The following PIGR variants were observed in gnomAD, a reference collection of about 807,000 sequenced individuals.
PIGR encodes polymeric immunoglobulin receptor.
A neutral mutation model predicts 69.5 loss-of-function variants in PIGR; 22 were observed. The observed-to-expected ratio is 0.32, with a 90% confidence interval of 0.23 to 0.45. The LOEUF is 0.45. PIGR is among the 20% of genes least tolerant of loss of function. The probability of loss-of-function intolerance (pLI) is 1.00; values close to 1 mark genes in which losing one functional copy is unlikely to be tolerated. For synonymous variants in PIGR, 413 were observed against 407.6 expected, an observed-to-expected ratio of 1.01 and a Z score of -0.16; for missense variants, 885 against 974.0, an observed-to-expected ratio of 0.91 and a Z score of 1.22.
Position 206,935,785 on chromosome 1 carries a change from T to G in PIGR, c.1079A>C (p.Lys360Thr), listed in dbSNP as rs749405589. 2 of 1,610,212 alleles carry G rather than the reference T, an allele frequency of 1.2e-6. No homozygotes were observed. The highest frequency in any genetic ancestry group is 1.7e-6 in the Non-Finnish European group (2 of 1,177,136). ...GGCCACAGAGCCTCCTGCCACCCCCTTCACCACAGTGGGGCTGCGGGGAAT... is the reference window on the plus strand; with the variant it reads ...GGCCACAGAGCCTCCTGCCACCCCCGTCACCACAGTGGGGCTGCGGGGAAT... ...STIPRSPTVV[K>T]GVAGGSVAVL... The change falls in exon 5 of 11, where the codon AAG becomes ACG. Residue 360 changes from lysine to threonine, a missense_variant. Lys to Thr is a moderately conservative substitution (Grantham distance 78). Transcript: ENST00000356495. This position sits in a 1 kb window ranked among gnomAD's most constrained non-coding sequence, Gnocchi z 4.4.
intron 1 of PIGR, among the ~76,000 whole-genome samples, chr1:206,941,566 C>T (rs1283046043): frequency 1.3e-5 from 2 of 152,162 alleles, no homozygotes; most frequent in Non-Finnish European, 2.9e-5. Flanking sequence ...TTACGTTTTC[C>T]CAGCAACTTG....
rs139139378 is a variant in PIGR, at chr1:206,937,577, G to A, written c.563C>T (p.Thr188Ile). 6.2e-7 allele frequency: 1 copy of A among 1,614,116 alleles called. No individual in the cohort carries two copies. Among genetic ancestry groups the A allele is most frequent in the Non-Finnish European group, 8.5e-7 (1 of 1,179,982 alleles). The change falls in exon 4 of 11, where the codon ACA (threonine) becomes ATA (isoleucine). Residue 188 changes from threonine to isoleucine, a missense_variant. Physicochemically the swap from Thr to Ile is moderately conservative, Grantham distance 89. Transcript: ENST00000356495. ...DSSGYVNPNY[T>I]GRIRLDIQGT... ...CTGAATATCAAGGCGTATTCTTCCT[G>A]TATAGTTGGGATTTACATAACCACT...
In PIGR at chr1:206,939,116, T is replaced by C. The variant is rs769037312; in HGVS notation, c.388+3A>G. ...CAGAAGCCCAAGGAGCTTGGATCCT[T>C]ACCCTGGCTGACCTCCAGGCTGACA... is the stretch of plus-strand genomic sequence containing the variant. On this transcript the variant is annotated splice_donor_region_variant and intron_variant, in intron 3 of 10. Transcript: ENST00000356495. The C allele has an allele frequency of 6.2e-6, 10 of 1,601,782 alleles. No individual in the cohort carries two copies. Among genetic ancestry groups the C allele is most frequent in the Non-Finnish European group, 8.5e-6 (10 of 1,170,862 alleles).
Position 206,930,229 on chromosome 1 carries a change from G to A in PIGR, c.*89C>T. On this transcript the variant is annotated 3_prime_UTR_variant, in exon 11 of 11. Transcript: ENST00000356495. This position sits in a 1 kb window ranked among gnomAD's most constrained non-coding sequence, Gnocchi z 4.3. ...AAACCTAGGCAGGTGTTAGAGCAGG[G>A]AGTGGGGTCCCCAGGAGCTGAGGGC... 4 of 1,137,402 alleles carry A rather than the reference G, an allele frequency of 3.5e-6. No homozygotes were observed. Among genetic ancestry groups the A allele is most frequent in the Non-Finnish European group, 5.0e-6 (4 of 802,468 alleles). The allele number at this position is 1,137,402 out of a possible 1,614,324, so 70.5% of individuals were successfully genotyped here.
At chr1:206,934,340 T>G in intron 6 of PIGR, 80 bp downstream of exon 6, 12 of 1,267,206 alleles carry the variant, frequency 9.5e-6, no homozygotes, top group Non-Finnish European at 1.2e-5. Flanking sequence ...CAGCACTGAT[T>G]GAGAAGCTCT....
At chr1:206,932,673 T>C in intron 7 of PIGR, 96 bp from the exon 8 acceptor site, 1 of 1,387,462 alleles carries the variant, frequency 7.2e-7, no homozygotes, top group Non-Finnish European at 9.6e-7. Flanking sequence ...TCCTCCCAGG[T>C]TTATCCACCC....
In PIGR at chr1:206,939,264, C is replaced by T. The variant is rs1400950026; in HGVS notation, c.243G>A (p.Arg81=). 6.2e-7 allele frequency: 1 copy of T among 1,614,188 alleles called. No individual in the cohort carries two copies. The change falls in exon 3 of 11, where the codon AGG becomes AGA. Residue 81 remains arginine, a synonymous_variant. Transcript: ENST00000356495. ...TCTCCGGGAAGTTGGTGAGGTTAGC[C>T]CTGCCTGCATATTTGCTGGAGACGT... ...EGYVSSKYAG[R]ANLTNFPENG...
rs755039783 is a variant in PIGR at position 206,937,120 on chromosome 1, C to T, written c.1020G>A (p.Gln340=). ...DGQLQEGSPI[Q]AWQLFVNEES... ...CCTCATTGACGAAGAGTTGCCAGGC[C>T]TGGATAGGCGAGCCTTCCTGCAGCT... The change falls in exon 4 of 11, where the codon CAG becomes CAA. Residue 340 remains glutamine (Q), a synonymous_variant. Coordinates refer to ENST00000356495, the MANE Select transcript of PIGR (RefSeq NM_002644.4). 2.6e-5 allele frequency: 42 copies of T among 1,606,406 alleles called. No individual in the cohort carries two copies. The South Asian group carries it at 3.7e-4, about 14-fold the overall frequency.
rs1173290038 is a variant in PIGR at position 206,937,600 on chromosome 1, A to G, written c.540T>C (p.Ser180=). ...GLYPVLVIDS[S]GYVNPNYTGR... The stretch of plus-strand genomic sequence containing the variant: ...CTGTATAGTTGGGATTTACATAACC[A>G]CTGGAGTCGATGACCAGCACAGGGT... Residue 180 remains serine, a synonymous_variant, in exon 4 of 11, where the codon AGT becomes AGC. Transcript: ENST00000356495. The G allele has an allele frequency of 6.2e-7, 1 of 1,613,992 alleles. No individual in the cohort carries two copies. Among genetic ancestry groups the G allele is most frequent in the South Asian group, 1.1e-5 (1 of 91,042 alleles).
intron 1 of PIGR, among the ~76,000 whole-genome samples, chr1:206,943,989 A>C (rs1461354934): frequency 6.6e-6 from 1 of 152,234 alleles, no homozygotes; most frequent in African/African-American, 2.4e-5. Context: ...AAGGTTGCAC[A>C]GTTGGTAAGT....
Position 206,930,211 on chromosome 1 carries a change from G to T in PIGR, c.*107C>A. ...CTCTGAGGACAGTAGGAAAAACCTAGGCAGGTGTTAGAGCAGGGAGTGGGG... is the reference window on the plus strand; with the variant it reads ...CTCTGAGGACAGTAGGAAAAACCTATGCAGGTGTTAGAGCAGGGAGTGGGG... On this transcript the variant is annotated 3_prime_UTR_variant, in exon 11 of 11. Coordinates refer to ENST00000356495, the MANE Select transcript of PIGR (RefSeq NM_002644.4). This position sits in a 1 kb window ranked among gnomAD's most constrained non-coding sequence, Gnocchi z 4.3. 1 of 889,148 alleles carries T rather than the reference G, an allele frequency of 1.1e-6. No individual in the cohort carries two copies. The highest frequency in any genetic ancestry group is 1.7e-6 in the Non-Finnish European group (1 of 598,756). The allele number at this position is 889,148 out of a possible 1,614,324, so 55.1% of individuals were successfully genotyped here. A position where few individuals can be genotyped will look rare whatever the true frequency, so the allele number is the denominator to read the frequency against.
chr1:206,939,086 T>A (rs778608431), intron 3 of PIGR, 33 bp downstream of exon 3: 2 of 1,550,668 alleles, frequency 1.3e-6, no homozygotes, highest in East Asian at 2.3e-5. Context: ...CCTCTAACTT[T>A]CCCCCAGAAG....
At position 206,929,072 on chromosome 1, in the gene PIGR, A is replaced by C. The variant is rs997072145; in HGVS notation, c.*1246T>G. On this transcript the variant is annotated 3_prime_UTR_variant, in exon 11 of 11. Transcript: ENST00000356495. ...ACATGGCGAAACCCTGTCTCTACAA[A>C]AAAAAAAAAAAAAAAAAAAAATTAG... The C allele has an allele frequency of 9.3e-5, 4 of 42,906 alleles. No homozygotes were observed. The highest frequency in any genetic ancestry group is 4.4e-4 in the African/African-American group (2 of 4,516). The allele number at this position is 42,906 out of a possible 1,614,324, so 2.7% of individuals were successfully genotyped here. A position where few individuals can be genotyped will look rare whatever the true frequency, so the allele number is the denominator to read the frequency against.
chr1:206,945,502 T>G (rs555819411), intron 1 of PIGR, among the ~76,000 whole-genome samples: 8 of 152,320 alleles, frequency 5.3e-5, no homozygotes, highest in African/African-American at 1.4e-4. Flanking sequence ...CAGGAGTTGA[T>G]CATGCTGCCT....
chr1:206,934,922 G>A (rs759033834), intron 5 of PIGR, among the ~76,000 whole-genome samples, 176 bp from the exon 6 acceptor site: 2 of 152,036 alleles, frequency 1.3e-5, no homozygotes, highest in African/African-American at 2.4e-5. Flanking sequence ...GTAGTGGTGC[G>A]ATCATAGCTC....
rs1448269560 is a variant in PIGR at position 206,939,308 on chromosome 1, G to C, written c.199C>G (p.Leu67Val). ...RQGARGGCITLISSEGYVSSK... is the reference protein window; with the variant it reads ...RQGARGGCITVISSEGYVSSK... ...GAGACGTAGCCCTCCGAGGAGATGA[G>C]GGTTATGCAGCCACCTCTAGCTCCC... is the stretch of plus-strand genomic sequence containing the variant. The change falls in exon 3 of 11, where the codon CTC becomes GTC. Residue 67 changes from leucine (L) to valine (V), a missense_variant. Leu to Val is a conservative substitution (Grantham distance 32, BLOSUM62 1). Transcript: ENST00000356495. The C allele has an allele frequency of 1.9e-6, 3 of 1,614,234 alleles. No individual in the cohort carries two copies. Among genetic ancestry groups the C allele is most frequent in the Non-Finnish European group, 2.5e-6 (3 of 1,180,046 alleles).
Position 206,929,134 on chromosome 1 carries a change from T to C in PIGR, c.*1184A>G, listed in dbSNP as rs1292336604. Reference sequence around the variant, plus strand: ...GGCCCACATCTGTAGTCCCAGCTACTTGAGAGGCTGAGGCATGAGAATAGC... The same window carrying C: ...GGCCCACATCTGTAGTCCCAGCTACCTGAGAGGCTGAGGCATGAGAATAGC... On this transcript the variant is annotated 3_prime_UTR_variant, in exon 11 of 11. Coordinates refer to ENST00000356495, the MANE Select transcript of PIGR (RefSeq NM_002644.4). 2 of 151,258 alleles carry C rather than the reference T, an allele frequency of 1.3e-5. No homozygotes were observed. Among genetic ancestry groups the C allele is most frequent in the African/African-American group, 4.9e-5 (2 of 40,974 alleles). The allele number at this position is 151,258 out of a possible 1,614,324, so 9.4% of individuals were successfully genotyped here.
chr1:206,931,594 T>A (rs1391290343), intron 9 of PIGR, 39 bp from the exon 10 acceptor site: 1 of 1,613,812 alleles, frequency 6.2e-7, no homozygotes, highest in Admixed American at 1.7e-5. Flanking sequence ...CTTACTAGCC[T>A]CCTTTTCCCA....
At position 206,940,310 on chromosome 1, in the gene PIGR, A is replaced by G. The variant is rs143796394; in HGVS notation, c.43+179T>C. ...GTGCCATTCCTGTCCCTGACTTCCAATGCTCACAGATGTGGCCTTTCAGTG... is the reference window on the plus strand; with the variant it reads ...GTGCCATTCCTGTCCCTGACTTCCAGTGCTCACAGATGTGGCCTTTCAGTG... On this transcript the variant is annotated intron_variant, in intron 2 of 10. Transcript: ENST00000356495. Among the ~76,000 whole-genome samples, 448 of 152,276 alleles carry G rather than the reference A, an allele frequency of 2.9e-3. 1 individual carries two copies. The highest frequency in any genetic ancestry group is 9.7e-3 in the African/African-American group (404 of 41,546).
Sources: gnomAD v4.1 joint callset for allele counts (sites outside exome capture counted in the v4.1 genomes callset) on GRCh38, gnomAD v4.1.1 for gene constraint, Gnocchi (gnomAD v3.1) non-coding constraint, MANE v1.5 for transcripts, NCBI Gene and HGNC (gene_info 2026-07-23, HGNC 2026-07-21) for gene names.